Variants in ATP2C2 observed in about 807,000 individuals in gnomAD.
ATP2C2 encodes calcium-transporting ATPase type 2C member 2.
In ATP2C2, 171 loss-of-function variants were observed where a neutral mutation model predicts 110.8. The observed-to-expected ratio is 1.54, with a 90% CI of 1.36 to 1.75. The LOEUF (loss-of-function observed/expected upper bound fraction) is 1.75, where lower values mean the gene tolerates loss of function less well. Among genes scored for constraint, ATP2C2 ranks in the 40% most tolerant of loss-of-function variants. The pLI, the probability that ATP2C2 is intolerant of heterozygous loss-of-function variation, is 0.00. For synonymous variants in ATP2C2, 804 were observed against 508.4 expected (o/e 1.58, Z -7.82); for missense variants, 1,963 against 1,235.0 (o/e 1.59, Z -8.84).
chr16:84,386,820 C>T (rs957997424), intron 1 of ATP2C2, among the ~76,000 whole-genome samples: 14 of 152,276 alleles, frequency 9.2e-5, no homozygotes, highest in African/African-American at 3.4e-4. Context: ...CTGAGGGTCA[C>T]ACAGCGTAGG....
At position 84,446,319 on chromosome 16, in the gene ATP2C2, A is replaced by G. The variant is rs757824359; in HGVS notation, c.1402-10A>G. On this transcript the variant is annotated splice_polypyrimidine_tract_variant and intron_variant, in intron 15 of 26. Coordinates refer to ENST00000262429, the MANE Select transcript of ATP2C2 (RefSeq NM_014861.4). ...TGACTCACTAAAAATGTGTCATTTT[A>G]TTATGCTAGATGGACTTAAGTGATA... is the stretch of plus-strand genomic sequence containing the variant. 8.6e-6 allele frequency: 13 copies of G among 1,515,702 alleles called. No homozygotes were observed. Among genetic ancestry groups the G allele is most frequent in the Non-Finnish European group, 1.2e-5 (13 of 1,115,010 alleles). 93.9% of individuals were successfully genotyped at this position (1,515,702 alleles called of 1,614,324 possible). A position where few individuals can be genotyped will look rare whatever the true frequency, so the allele number is the denominator to read the frequency against.
In ATP2C2 at chr16:84,420,319, G is replaced by C. The variant is rs150011376; in HGVS notation, c.625-2071G>C. Among the ~76,000 whole-genome samples, 5 of 152,214 alleles carry C rather than the reference G, an allele frequency of 3.3e-5. No homozygotes were observed. In the East Asian group the frequency reaches 7.7e-4, roughly 24 times the overall value. On this transcript the variant is annotated intron_variant, in intron 7 of 26. Transcript: ENST00000262429. ...CCAGAGGAGTCTCTGGCCTATCGGA[G>C]GATATGGATGGTCAGGTTTCCCATC...
intron 7 of ATP2C2, among the ~76,000 whole-genome samples, chr16:84,421,287 C>T (rs773137915): frequency 1.7e-4 from 26 of 152,324 alleles, no homozygotes; most frequent in South Asian, 6.2e-4. Context: ...GCCTCCCTGA[C>T]GCTGTGGGGT....
chr16:84,406,797 C>T, intron 3 of ATP2C2: 3 of 293,366 alleles, frequency 1.0e-5, no homozygotes, highest in Non-Finnish European at 1.5e-5. Flanking sequence ...CTGGAGATCT[C>T]TTTGCTCTGC....
At chr16:84,380,653 G>T (rs1382875443) in intron 1 of ATP2C2, among the ~76,000 whole-genome samples, 2 of 152,154 alleles carry the variant, frequency 1.3e-5, no homozygotes, top group Admixed American at 1.3e-4. Context: ...TACAGCCCAG[G>T]CTGCCTGGAT....
intron 16 of ATP2C2, among the ~76,000 whole-genome samples, chr16:84,446,739 G>A (rs945976983): frequency 3.9e-5 from 6 of 152,152 alleles, no homozygotes; most frequent in Admixed American, 1.3e-4. Context: ...GGGTCCAGGG[G>A]TGGGACCCAG....
intron 7 of ATP2C2, among the ~76,000 whole-genome samples, chr16:84,420,598 T>C (rs181850361): frequency 6.6e-6 from 1 of 152,208 alleles, no homozygotes; most frequent in Admixed American, 6.5e-5. Context: ...CTTAGCTTAC[T>C]TGGGTACATC....
intron 1 of ATP2C2, among the ~76,000 whole-genome samples, chr16:84,381,227 G>A (rs1910563754): frequency 6.6e-6 from 1 of 152,178 alleles, no homozygotes; most frequent in African/African-American, 2.4e-5. Context: ...AGATTACAAA[G>A]TACATTGATC....
At position 84,463,637 on chromosome 16, in the gene ATP2C2, G is replaced by T. The variant is rs372852692; in HGVS notation, c.2746G>T (p.Ala916Ser). ...AGATTTGCTGTTTTTAACTGGATTG[G>T]CCTCATCCGTCTTCATTTTGTCAGA... is the stretch of plus-strand genomic sequence containing the variant. ...ALDLLFLTGLASSVFILSELL... is the reference protein window; with the variant it reads ...ALDLLFLTGLSSSVFILSELL... Residue 916 changes from alanine to serine, a missense_variant, in exon 27 of 27, where the codon GCC becomes TCC. Transcript: ENST00000262429. 9.9e-6 allele frequency: 16 copies of T among 1,614,014 alleles called. No individual in the cohort carries two copies. The highest frequency in any genetic ancestry group is 5.3e-5 in the African/African-American group (4 of 74,912).
At chr16:84,418,115 G>A (rs1423020861) in intron 7 of ATP2C2, among the ~76,000 whole-genome samples, 3 of 152,148 alleles carry the variant, frequency 2.0e-5, no homozygotes, top group Non-Finnish European at 4.4e-5. Context: ...CCCCTACCAT[G>A]TCTAAAAGAA....
At position 84,429,773 on chromosome 16, in the gene ATP2C2, A is replaced by C. The variant is rs145638568; in HGVS notation, c.986+3972A>C. ...AGGCCTTGGAGGAGACTGGGTGTGC[A>C]TATTCCTGTGGCTGTCAAAACAAAG... On this transcript the variant is annotated intron_variant, in intron 11 of 26. Coordinates refer to ENST00000262429, the MANE Select transcript of ATP2C2 (RefSeq NM_014861.4). Among the ~76,000 whole-genome samples, 23 of 152,232 alleles carry C rather than the reference A, an allele frequency of 1.5e-4. No homozygotes were observed. In the East Asian group the frequency reaches 4.4e-3, roughly 29 times the overall value.
chr16:84,413,816 C>T (rs867017879), intron 6 of ATP2C2, among the ~76,000 whole-genome samples: 1 of 152,140 alleles, frequency 6.6e-6, no homozygotes, highest in Non-Finnish European at 1.5e-5. Context: ...TTACTCCATC[C>T]CTGGTGCAGG....
At chr16:84,382,247 G>C (rs9926806) in intron 1 of ATP2C2, among the ~76,000 whole-genome samples, 53,978 of 151,968 alleles carry the variant, frequency 0.36, 9,734 homozygotes, top group East Asian at 0.49. Context: ...TTGGTTTTCT[G>C]TTCCTGTGTT....
At chr16:84,397,582 G>A (rs1454226311) in intron 1 of ATP2C2, among the ~76,000 whole-genome samples, 1 of 146,986 alleles carries the variant, frequency 6.8e-6, no homozygotes, top group East Asian at 2.0e-4. Context: ...GCTGAAGCAG[G>A]AGGATCACCT....
chr16:84,460,753 G>A lies in ATP2C2; in HGVS notation c.2433G>A (p.Met811Ile). 3 of 1,614,096 alleles carry A rather than the reference G, an allele frequency of 1.9e-6. No individual in the cohort carries two copies. Among genetic ancestry groups the A allele is most frequent in the Middle Eastern group, 1.7e-4 (1 of 6,058 alleles). ...LSRALILKIL[M>I]SAAIIISGTL... ...GAGCCCTCATCCTGAAGATCCTCAT[G>A]TCCGCGGCCATCATCATCAGCGGGA... The change falls in exon 24 of 27, where the codon ATG (methionine) becomes ATA (isoleucine). Residue 811 changes from methionine to isoleucine, a missense_variant. Met to Ile is a conservative substitution (Grantham distance 10, BLOSUM62 1). Coordinates refer to ENST00000262429, the MANE Select transcript of ATP2C2 (RefSeq NM_014861.4).
intron 24 of ATP2C2, 122 bp from the exon 25 acceptor site, chr16:84,461,592 C>T: frequency 8.2e-6 from 7 of 856,312 alleles, no homozygotes; most frequent in Middle Eastern, 2.3e-4. Context: ...GTGACCGATT[C>T]ATGAGCTTGT....
intron 3 of ATP2C2, among the ~76,000 whole-genome samples, chr16:84,408,010 C>T (rs1905928129): frequency 1.3e-5 from 2 of 152,318 alleles, no homozygotes; most frequent in East Asian, 3.9e-4. Context: ...CAGGCTGTTA[C>T]TGAGTTTGGT....
At chr16:84,437,719 T>C (rs1908872447) in intron 11 of ATP2C2, among the ~76,000 whole-genome samples, 1 of 152,244 alleles carries the variant, frequency 6.6e-6, no homozygotes, top group Non-Finnish European at 1.5e-5. Flanking sequence ...TTTCACCACG[T>C]TGTCCAGGTT....
At chr16:84,444,991 G>C (rs1288994055) in intron 15 of ATP2C2, among the ~76,000 whole-genome samples, 1 of 152,140 alleles carries the variant, frequency 6.6e-6, no homozygotes, top group Non-Finnish European at 1.5e-5. Context: ...CCACTGGCTG[G>C]TGATTTAGTG....
Sources: allele counts gnomAD v4.1 joint callset (sites outside exome capture counted in the v4.1 genomes callset), GRCh38; gene constraint gnomAD v4.1.1; transcripts MANE v1.5; gene names NCBI Gene and HGNC (gene_info 2026-07-23, HGNC 2026-07-21).